Variants in ANKRD62 observed in about 807,000 individuals in gnomAD.
ANKRD62 encodes ankyrin repeat domain-containing protein 62.
In ANKRD62, 61 loss-of-function variants were observed where a neutral mutation model predicts 98.8. The ratio of observed to expected loss-of-function variants is 0.62; its 90% confidence interval spans 0.50 to 0.76. The LOEUF (loss-of-function observed/expected upper bound fraction) is 0.76, where lower values mean the gene tolerates loss of function less well. ANKRD62 is among the 30% of genes least tolerant of loss of function. The pLI is 0.00. For synonymous variants in ANKRD62, 341 were observed against 367.9 expected, an observed-to-expected ratio of 0.93 and a Z score of 0.84; for missense variants, 933 against 1,082.9, an observed-to-expected ratio of 0.86 and a Z score of 1.94.
At chr18:12,116,265 T>C (rs750068005) in intron 10 of ANKRD62, among the ~76,000 whole-genome samples, 2 of 152,162 alleles carry the variant, frequency 1.3e-5, no homozygotes, top group Admixed American at 1.3e-4. Context: ...CCAAATTGTT[T>C]TCAAAAAAAG....
chr18:12,177,755 G>C, the ANKRD62 span, among the ~76,000 whole-genome samples: 3 of 149,606 alleles, frequency 2.0e-5, no homozygotes, highest in South Asian at 4.3e-4. Context: ...AGGCAGGAAT[G>C]TGCTTTCATG....
At chr18:12,101,638 A>C (rs373411380) in intron 6 of ANKRD62, among the ~76,000 whole-genome samples, 1 of 152,320 alleles carries the variant, frequency 6.6e-6, no homozygotes, top group East Asian at 1.9e-4. Flanking sequence ...CCAGGGCAAA[A>C]ACAGAAATTT....
the ANKRD62 span, among the ~76,000 whole-genome samples, chr18:12,164,524 T>C: frequency 6.6e-6 from 1 of 151,986 alleles, no homozygotes; most frequent in African/African-American, 2.4e-5. Flanking sequence ...CTTCCACTAA[T>C]TTCAAATTTG....
intron 6 of ANKRD62, among the ~76,000 whole-genome samples, chr18:12,100,142 T>C (rs1909267707): frequency 6.6e-6 from 1 of 152,146 alleles, no homozygotes; most frequent in Non-Finnish European, 1.5e-5. Context: ...TGTATATAAC[T>C]CTGGACTCCC....
At chr18:12,096,428 G>A in intron 4 of ANKRD62, 126 bp downstream of exon 4, 1 of 570,512 alleles carries the variant, frequency 1.8e-6, no homozygotes, top group Non-Finnish European at 2.9e-6. Context: ...AGAAATACCA[G>A]CAGAAGTCAT....
Position 12,093,914 on chromosome 18 carries a change from C to A in ANKRD62, c.-104C>A. 1 of 1,146,098 alleles carries A rather than the reference C, an allele frequency of 8.7e-7. No homozygotes were observed. The highest frequency in any genetic ancestry group is 1.2e-6 in the Non-Finnish European group (1 of 804,468). 71.0% of individuals were successfully genotyped at this position (1,146,098 alleles called of 1,614,324 possible). A position where few individuals can be genotyped will look rare whatever the true frequency, so the allele number is the denominator to read the frequency against. Reference sequence around the variant, plus strand: ...GTCCCTGACGGAGGTTGCGGCTGGACCTGGTTACGTGCTGGTGCTGCGCTC... The same window carrying A: ...GTCCCTGACGGAGGTTGCGGCTGGAACTGGTTACGTGCTGGTGCTGCGCTC... On this transcript the variant is annotated 5_prime_UTR_variant, in exon 1 of 14. Coordinates refer to ENST00000587848, the MANE Select transcript of ANKRD62 (RefSeq NM_001277333.2).
the ANKRD62 span, among the ~76,000 whole-genome samples, chr18:12,158,066 A>G: frequency 1.3e-5 from 2 of 152,246 alleles, no homozygotes; most frequent in Non-Finnish European, 2.9e-5. Context: ...AGTCACCTCC[A>G]GGCCTGCCTT....
chr18:12,094,955 G>A (rs1157787313), intron 1 of ANKRD62, among the ~76,000 whole-genome samples: 1 of 137,684 alleles, frequency 7.3e-6, no homozygotes, highest in East Asian at 2.5e-4. Flanking sequence ...GGGTGGGGGT[G>A]GGGTGAGTGT....
chr18:12,167,387 T>C, the ANKRD62 span, among the ~76,000 whole-genome samples: 3 of 152,126 alleles, frequency 2.0e-5, no homozygotes, highest in South Asian at 2.1e-4. Flanking sequence ...CATGTGGTGT[T>C]TGGTTTTCTG....
chr18:12,115,479 C>T lies in ANKRD62; in HGVS notation c.1185C>T (p.Tyr395=), dbSNP rs763466227. The T allele has an allele frequency of 6.5e-7, 1 of 1,537,492 alleles. No individual in the cohort carries two copies. The highest frequency in any genetic ancestry group is 1.2e-5 in the South Asian group (1 of 83,970). The change falls in exon 10 of 14, where the codon TAC becomes TAT. Residue 395 remains tyrosine (Y), a synonymous_variant. Coordinates refer to ENST00000587848, the MANE Select transcript of ANKRD62 (RefSeq NM_001277333.2). The part of the protein sequence containing the change: ...EKTSEDDELP[Y]SDDENFMLLI... ...CCTCAGAGGATGATGAGTTGCCTTA[C>T]TCTGATGATGAGAATTTTATGTTAC...
At chr18:12,170,652 G>T in the ANKRD62 span, among the ~76,000 whole-genome samples, 2 of 152,300 alleles carry the variant, frequency 1.3e-5, no homozygotes, top group Admixed American at 1.3e-4. Context: ...AGGTCTCCTT[G>T]TTGCAGAGCT....
the ANKRD62 span, among the ~76,000 whole-genome samples, chr18:12,158,484 A>C: frequency 2.0e-5 from 3 of 152,150 alleles, no homozygotes; most frequent in South Asian, 6.2e-4. Context: ...ACTTTTGCAA[A>C]TTGTTAATAC....
At chr18:12,108,222 G>A (rs2143908439) in intron 8 of ANKRD62, among the ~76,000 whole-genome samples, 1 of 152,268 alleles carries the variant, frequency 6.6e-6, no homozygotes, top group East Asian at 1.9e-4. Flanking sequence ...TCATACTGCT[G>A]TAAAGACACT....
At chr18:12,176,300 T>C in the ANKRD62 span, among the ~76,000 whole-genome samples, 118 of 149,842 alleles carry the variant, frequency 7.9e-4, 3 homozygotes, top group East Asian at 0.019. Flanking sequence ...GATCTCTCAA[T>C]GGACTAAACT....
the ANKRD62 span, among the ~76,000 whole-genome samples, chr18:12,135,648 C>T: frequency 6.6e-6 from 1 of 151,714 alleles, no homozygotes; most frequent in Admixed American, 6.6e-5. Context: ...AACTAGTTTA[C>T]AGTCCCACCA....
the ANKRD62 span, among the ~76,000 whole-genome samples, chr18:12,163,204 A>C: frequency 6.6e-6 from 1 of 152,048 alleles, no homozygotes; most frequent in Non-Finnish European, 1.5e-5. Flanking sequence ...CATAGTTTTC[A>C]TTATAGAGAT....
intron 8 of ANKRD62, among the ~76,000 whole-genome samples, chr18:12,109,501 T>C (rs1909488963): frequency 1.3e-5 from 2 of 152,220 alleles, no homozygotes; most frequent in African/African-American, 2.4e-5. Flanking sequence ...TTAATACTTG[T>C]AGTGTTTACT....
chr18:12,112,438 C>T (rs1002029243), intron 8 of ANKRD62, among the ~76,000 whole-genome samples: 3 of 152,100 alleles, frequency 2.0e-5, no homozygotes, highest in African/African-American at 7.2e-5. Flanking sequence ...CTCTGATCTT[C>T]AACAAACCTG....
chr18:12,163,937 A>G, the ANKRD62 span, among the ~76,000 whole-genome samples: 2 of 151,824 alleles, frequency 1.3e-5, no homozygotes, highest in Admixed American at 1.3e-4. Context: ...TAAATTTTTT[A>G]TATCTATGTA....
Sources: gnomAD v4.1 joint callset for allele counts (sites outside exome capture counted in the v4.1 genomes callset) on GRCh38, gnomAD v4.1.1 for gene constraint, MANE v1.5 for transcripts, NCBI Gene and HGNC (gene_info 2026-07-23, HGNC 2026-07-21) for gene names.